The following DNAH5 variants were observed in gnomAD, a reference collection of about 807,000 sequenced individuals.
The protein encoded by DNAH5 is axonemal beta dynein heavy chain 5.
In DNAH5, 372 loss-of-function variants were observed where a neutral mutation model predicts 518.2. The observed-to-expected ratio is 0.72, with a 90% CI of 0.66 to 0.78. The LOEUF (loss-of-function observed/expected upper bound fraction) is 0.78. Ranked by LOEUF, DNAH5 falls within the 30% of genes least tolerant of loss-of-function variation. The pLI is 0.00. For synonymous variants in DNAH5, 2,039 were observed against 2,025.9 expected (o/e 1.01, Z -0.17); for missense variants, 5,523 against 5,687.0 (o/e 0.97, Z 0.93).
chr5:13,989,065 C>G (rs551928511), intron 1 of DNAH5, among the ~76,000 whole-genome samples: 67 of 151,900 alleles, frequency 4.4e-4, no homozygotes, highest in Non-Finnish European at 3.1e-4. Context: ...AAATGCAGCC[C>G]GGGGAGAGAT....
chr5:13,864,734 T>A (rs2151909082), intron 27 of DNAH5, 97 bp from the exon 28 acceptor site: 1 of 1,300,936 alleles, frequency 7.7e-7, no homozygotes, highest in African/African-American at 1.5e-5. Flanking sequence ...AAACAGTCTC[T>A]TTGAATACTT....
At chr5:14,002,429 T>C (rs1448765012) in intron 1 of DNAH5, among the ~76,000 whole-genome samples, 2 of 152,136 alleles carry the variant, frequency 1.3e-5, no homozygotes, top group East Asian at 1.9e-4. Flanking sequence ...TATCAAAAAA[T>C]TGGAAAAATT....
Position 13,751,161 on chromosome 5 carries a change from G to C in DNAH5, c.11128C>G (p.Arg3710Gly). ...NPAYTPEISA[R>G]TSIIDFTVTM... ...ACAGTGAAGTCAATGATGGAGGTAC[G>C]GGCACTTATCTCAGGGGTGTAGGCT... The change falls in exon 65 of 79, where the codon CGT becomes GGT. Residue 3710 changes from arginine to glycine, a missense_variant. By Grantham distance (125) the Arg-to-Gly change is moderately radical. This residue lies in a region of DNAH5 where 5,121 missense variants were observed against 5,223.3 expected (regional missense o/e 0.98). Coordinates refer to ENST00000265104, the MANE Select transcript of DNAH5 (RefSeq NM_001369.3). 6.2e-7 allele frequency: 1 copy of C among 1,613,970 alleles called. No homozygotes were observed. Among genetic ancestry groups the C allele is most frequent in the South Asian group, 1.1e-5 (1 of 91,066 alleles).
At chr5:13,807,811 A>G in intron 46 of DNAH5, 86 bp from the exon 47 acceptor site, 1 of 1,131,480 alleles carries the variant, frequency 8.8e-7, no homozygotes, top group South Asian at 1.4e-5. Flanking sequence ...CATATGCTGA[A>G]TCTTCAACCC....
rs115866570 is a variant in DNAH5, at chr5:13,949,695, T to C, written c.13-18451A>G. 8.6e-3 allele frequency among the ~76,000 whole-genome samples: 1,310 copies of C among 152,338 alleles called. 19 individuals are homozygous for C. Among genetic ancestry groups the C allele is most frequent in the African/African-American group, 0.03 (1,263 of 41,582 alleles). On this transcript the variant is annotated intron_variant, in intron 1 of 78. Coordinates refer to the DNAH5 transcript ENST00000681290. ...CTTGGGGCTAAACGCACTTTCCAGA[T>C]GTTATCTTGCATAGTGCCTTTCATG...
At chr5:13,820,948 T>A (rs1300353534) in intron 40 of DNAH5, among the ~76,000 whole-genome samples, 2 of 152,028 alleles carry the variant, frequency 1.3e-5, no homozygotes, top group Non-Finnish European at 1.5e-5. Context: ...AGTTTCAATT[T>A]GGGATGATAA....
intron 14 of DNAH5, 109 bp downstream of exon 14, chr5:13,901,143 T>G (rs1189418589): frequency 1.6e-6 from 2 of 1,216,552 alleles, no homozygotes; most frequent in Non-Finnish European, 2.3e-6. Flanking sequence ...CCCATCTGCC[T>G]TACAAAACAC....
rs1218840960 is a variant in DNAH5 at position 13,809,150 on chromosome 5, T to C, written c.7646A>G (p.Tyr2549Cys). The C allele has an allele frequency of 2.5e-6, 4 of 1,614,140 alleles. No individual in the cohort carries two copies. The highest frequency in any genetic ancestry group is 3.3e-4 in the Middle Eastern group (2 of 6,062). Residue 2549 changes from tyrosine to cysteine, a missense_variant, in exon 46 of 79, where the codon TAC (tyrosine) becomes TGC (cysteine). Around this residue, in one of 3 missense-constraint regions of DNAH5, gnomAD observed 5,121 missense variants for 5,223.3 expected, o/e 0.98. Transcript: ENST00000265104. ...WTHWNTRTQE[Y>C]LYPSDTTPEY... Reference sequence around the variant, plus strand: ...TGGGGTGGTATCAGACGGATACAGGTATTCCTGGGTACGCGTGTTCCAGTG... The same window carrying C: ...TGGGGTGGTATCAGACGGATACAGGCATTCCTGGGTACGCGTGTTCCAGTG...
At chr5:13,752,033 C>T in intron 64 of DNAH5, 101 bp downstream of exon 64, 1 of 1,290,760 alleles carries the variant, frequency 7.7e-7, no homozygotes, top group Non-Finnish European at 1.1e-6. Flanking sequence ...CCCAAGGACT[C>T]AAATTTAAGT....
chr5:13,905,832 T>C lies in DNAH5; in HGVS notation c.1645-3694A>G, dbSNP rs1231228726. ...AGAAAAATCTACACACCGATGTTTATAGCAGCTTTATTCATAGTTGTCAAA... is the reference window on the plus strand; with the variant it reads ...AGAAAAATCTACACACCGATGTTTACAGCAGCTTTATTCATAGTTGTCAAA... On this transcript the variant is annotated intron_variant, in intron 12 of 78. Coordinates refer to ENST00000265104, the MANE Select transcript of DNAH5 (RefSeq NM_001369.3). Among the ~76,000 whole-genome samples, 4 of 152,358 alleles carry C rather than the reference T, an allele frequency of 2.6e-5. No homozygotes were observed. The East Asian group carries it at 7.7e-4, about 29-fold the overall frequency.
chr5:13,697,144 T>C (rs1339766283), intron 78 of DNAH5, among the ~76,000 whole-genome samples: 1 of 152,228 alleles, frequency 6.6e-6, no homozygotes, highest in Non-Finnish European at 1.5e-5. Flanking sequence ...ATTTTTACAA[T>C]ATGTTGACTA....
chr5:13,820,824 C>CAAAAA (rs70964510), intron 40 of DNAH5, among the ~76,000 whole-genome samples: 7 of 66,438 alleles, frequency 1.1e-4, no homozygotes, highest in East Asian at 5.5e-4. Context: ...TACTCCGTCT[C>CAAAAA]AAAAAAAAAA....
intron 1 of DNAH5, among the ~76,000 whole-genome samples, chr5:13,997,191 T>A (rs1340574231): frequency 6.6e-6 from 1 of 152,248 alleles, no homozygotes; most frequent in African/African-American, 2.4e-5. Context: ...ATTTTCCAAC[T>A]TTTTAGGTTC....
intron 61 of DNAH5, among the ~76,000 whole-genome samples, chr5:13,758,422 G>T (rs1343568409): frequency 6.6e-6 from 1 of 152,096 alleles, no homozygotes; most frequent in Non-Finnish European, 1.5e-5. Flanking sequence ...TTAACCCCAG[G>T]AATTCAAGGC....
At chr5:13,729,209 G>C (rs1455549481) in intron 69 of DNAH5, among the ~76,000 whole-genome samples, 2 of 152,172 alleles carry the variant, frequency 1.3e-5, no homozygotes, top group Non-Finnish European at 2.9e-5. Context: ...GCCCAGGATG[G>C]CACTGGTTAA....
chr5:13,999,573 C>T (rs339962), intron 1 of DNAH5, among the ~76,000 whole-genome samples: 110,180 of 152,200 alleles, frequency 0.72, 40,252 homozygotes, highest in East Asian at 0.96. Flanking sequence ...CAGCACACTT[C>T]CTTTATCCAT....
intron 17 of DNAH5, among the ~76,000 whole-genome samples, chr5:13,888,324 C>T (rs551647360): frequency 7.9e-5 from 12 of 152,318 alleles, no homozygotes; most frequent in Admixed American, 1.3e-4. Context: ...CTTTCTCCAG[C>T]TACAACATGC....
At chr5:13,881,622 T>C (rs1771690143) in intron 21 of DNAH5, among the ~76,000 whole-genome samples, 1 of 151,950 alleles carries the variant, frequency 6.6e-6, no homozygotes, top group Admixed American at 6.6e-5. Flanking sequence ...TTTCAAAATA[T>C]CCTGAGACAA....
chr5:13,962,508 A>T (rs1292217986), intron 1 of DNAH5, among the ~76,000 whole-genome samples: 1 of 152,220 alleles, frequency 6.6e-6, no homozygotes, highest in Non-Finnish European at 1.5e-5. Context: ...AAACTGAACC[A>T]GACACTTCCT....
Sources: gnomAD v4.1 joint callset for allele counts (sites outside exome capture counted in the v4.1 genomes callset) on GRCh38, gnomAD v4.1.1 for gene constraint, gnomAD v4.1.1 regional missense constraint, MANE v1.5 for transcripts, NCBI Gene and HGNC (gene_info 2026-07-23, HGNC 2026-07-21) for gene names.